Variants in PSMC3IP observed in about 807,000 individuals in gnomAD.
The protein encoded by PSMC3IP is PSMC3 interacting protein, also known as homologous-pairing protein 2 homolog.
A neutral mutation model predicts 34.9 loss-of-function variants in PSMC3IP; 26 were observed. That is an observed-to-expected ratio of 0.74 (90% CI 0.55 to 1.03). The LOEUF (loss-of-function observed/expected upper bound fraction) is 1.03, where lower values mean the gene tolerates loss of function less well. PSMC3IP is among the 50% of genes least tolerant of loss of function. The probability of loss-of-function intolerance (pLI) is 0.00; values close to 1 mark genes in which losing one functional copy is unlikely to be tolerated. For missense variants in PSMC3IP, 250 were observed against 263.1 expected, an observed-to-expected ratio of 0.95 and a Z score of 0.34; for synonymous variants, 87 against 96.5, an observed-to-expected ratio of 0.90 and a Z score of 0.57.
At chr17:42,577,796 C>G (rs1169291156), upstream of PSMC3IP, 3 of 1,360,106 alleles carry the variant, frequency 2.2e-6, no homozygotes, top group Non-Finnish European at 3.1e-6. Flanking sequence ...GAAGGGGAAG[C>G]CTTCCGGAGG....
chr17:42,573,496 A>C lies in PSMC3IP; in HGVS notation c.465T>G (p.Thr155=). 1 of 1,614,204 alleles carries C rather than the reference A, an allele frequency of 6.2e-7. No homozygotes were observed. The change falls in exon 5 of 8, where the codon ACT becomes ACG. Residue 155 remains threonine (T), a synonymous_variant. Coordinates refer to ENST00000393795, the MANE Select transcript of PSMC3IP (RefSeq NM_016556.4). ...AGCTCACCTGCTCTTTCTCTTCTGG[A>C]GTCACATGATTGGTAGCTGCTTTAA... is the stretch of plus-strand genomic sequence containing the variant. The part of the protein sequence containing the change: ...KNIKAATNHV[T]PEEKEQVYRE...
intron 3 of PSMC3IP, among the ~76,000 whole-genome samples, chr17:42,575,384 G>T (rs2093069031): frequency 6.6e-6 from 1 of 152,240 alleles, no homozygotes; most frequent in South Asian, 2.1e-4. Flanking sequence ...AGTGGCAGAG[G>T]TGAGTAGTTG....
chr17:42,577,728 T>A lies in PSMC3IP; in HGVS notation c.-42A>T. The A allele has an allele frequency of 1.2e-6, 2 of 1,612,554 alleles. No homozygotes were observed. The highest frequency in any genetic ancestry group is 1.7e-6 in the Non-Finnish European group (2 of 1,178,680). On this transcript the variant is annotated 5_prime_UTR_variant, in exon 1 of 8. Transcript: ENST00000393795. ...CAACTCAGAAAGCCGGACGTTGTAG[T>A]TGCTCGGGGCGACGGCTCCTTCCGG...
At chr17:42,576,514 A>C (rs1252231074) in intron 3 of PSMC3IP, among the ~76,000 whole-genome samples, 2 of 152,094 alleles carry the variant, frequency 1.3e-5, no homozygotes, top group African/African-American at 4.8e-5. Flanking sequence ...AGAATGGAAA[A>C]ATTAGCCAGG....
At chr17:42,575,998 G>C (rs1055297723) in intron 3 of PSMC3IP, among the ~76,000 whole-genome samples, 6 of 152,194 alleles carry the variant, frequency 3.9e-5, no homozygotes, top group African/African-American at 1.4e-4. Context: ...TCCAGCCTGG[G>C]TGACAGAGCG....
rs779728269 is a variant in PSMC3IP at position 42,572,988 on chromosome 17, CGTT to C, written c.631_633del (p.Asn211del). The C allele has an allele frequency of 1.4e-5, 22 of 1,614,216 alleles. No homozygotes were observed. Among genetic ancestry groups the C allele is most frequent in the South Asian group, 6.6e-5 (6 of 91,084 alleles). On this transcript the variant is annotated inframe_deletion, in exon 8 of 8. Coordinates refer to ENST00000393795, the MANE Select transcript of PSMC3IP (RefSeq NM_016556.4). ...GCCCCTCAGGGGTCTGGGAGTGTGA[CGTT>C]GTAATCTTCATCCGTCTCTATCCCA... is the stretch of plus-strand genomic sequence containing the variant.
Position 42,572,442 on chromosome 17 carries a change from T to C in PSMC3IP, c.*526A>G. The C allele has an allele frequency of 2.2e-6, 1 of 454,686 alleles. No individual in the cohort carries two copies. The highest frequency in any genetic ancestry group is 1.6e-5 in the South Asian group (1 of 64,480). The allele number at this position is 454,686 out of a possible 1,614,324, so 28.2% of individuals were successfully genotyped here. On this transcript the variant is annotated 3_prime_UTR_variant, in exon 8 of 8. Coordinates refer to ENST00000393795, the MANE Select transcript of PSMC3IP (RefSeq NM_016556.4). ...CTTGGCCTCTCCCATGTCTCAGTGTTGCCTGCATTTCTCCCAGGACTTGGG... is the reference window on the plus strand; with the variant it reads ...CTTGGCCTCTCCCATGTCTCAGTGTCGCCTGCATTTCTCCCAGGACTTGGG...
At chr17:42,575,888 C>T (rs1597726122) in intron 3 of PSMC3IP, among the ~76,000 whole-genome samples, 1 of 149,182 alleles carries the variant, frequency 6.7e-6, no homozygotes, top group East Asian at 1.9e-4. Context: ...GGCTTCGTGG[C>T]GGGTGCCTGT....
chr17:42,573,166 C>A lies in PSMC3IP; in HGVS notation c.538G>T (p.Ala180Ser), dbSNP rs1168210146. ...CKEWRKRKRM[A>S]TELSDAILEG... ...AGTATTGCATCAGACAGCTCTGTAG[C>A]CTGACAAGAAATAAAACCACCCGTT... Residue 180 changes from alanine (A) to serine (S), a missense_variant and splice_region_variant, in exon 7 of 8, where the codon GCT (alanine) becomes TCT (serine). Ala to Ser is a moderately conservative substitution (Grantham distance 99, BLOSUM62 1). Transcript: ENST00000393795. 1 of 1,614,204 alleles carries A rather than the reference C, an allele frequency of 6.2e-7. No homozygotes were observed. The highest frequency in any genetic ancestry group is 8.5e-7 in the Non-Finnish European group (1 of 1,180,036).
At chr17:42,574,753 C>T (rs969081429) in intron 3 of PSMC3IP, among the ~76,000 whole-genome samples, 1 of 86,272 alleles carries the variant, frequency 1.2e-5, no homozygotes, top group Non-Finnish European at 2.7e-5. Flanking sequence ...CTCTCTCTTT[C>T]TCCCTCCCTT....
chr17:42,574,720 C>T (rs12943311), intron 3 of PSMC3IP, among the ~76,000 whole-genome samples: 964 of 22,952 alleles, frequency 0.042, 9 homozygotes, highest in Admixed American at 0.11. Context: ...TCCCTCCTTC[C>T]CCCTCCCTTT....
chr17:42,572,861 A>G lies in PSMC3IP; in HGVS notation c.*107T>C. The G allele has an allele frequency of 7.6e-7, 1 of 1,319,418 alleles. No individual in the cohort carries two copies. The highest frequency in any genetic ancestry group is 1.1e-6 in the Non-Finnish European group (1 of 917,458). 81.7% of individuals were successfully genotyped at this position (1,319,418 alleles called of 1,614,324 possible). A position where few individuals can be genotyped will look rare whatever the true frequency, so the allele number is the denominator to read the frequency against. ...TCCTGACTGCTCTGCTTAAAGGTGA[A>G]AGTAGCAGGAACAACAACAAAAGCC... On this transcript the variant is annotated 3_prime_UTR_variant, in exon 8 of 8. Coordinates refer to ENST00000393795, the MANE Select transcript of PSMC3IP (RefSeq NM_016556.4).
rs1447199560 is a variant in PSMC3IP, at chr17:42,572,635, A to G, written c.*333T>C. ...GCCTTCCTCAGGTTTGATATCTGGC[A>G]GGTTTGACTATCCAGAGGAAATTAA... On this transcript the variant is annotated 3_prime_UTR_variant, in exon 8 of 8. Transcript: ENST00000393795. 1 of 445,804 alleles carries G rather than the reference A, an allele frequency of 2.2e-6. No homozygotes were observed. The highest frequency in any genetic ancestry group is 7.0e-5 in the East Asian group (1 of 14,348). The allele number at this position is 445,804 out of a possible 1,614,324, so 27.6% of individuals were successfully genotyped here.
At chr17:42,574,409 A>G in intron 3 of PSMC3IP, 199 bp from the exon 4 acceptor site, 1 of 1,338,886 alleles carries the variant, frequency 7.5e-7, no homozygotes, top group South Asian at 1.5e-5. Context: ...AAGGTAGGAA[A>G]GAAAAGCTGA....
intron 3 of PSMC3IP, among the ~76,000 whole-genome samples, chr17:42,575,597 T>C (rs1762931469): frequency 6.6e-6 from 1 of 152,190 alleles, no homozygotes; most frequent in African/African-American, 2.4e-5. Context: ...TGCTGGATGT[T>C]AGATACTGCG....
rs759050230 is a variant in PSMC3IP at position 42,573,196 on chromosome 17, G to T, written c.538-30C>A. 22 of 1,614,182 alleles carry T rather than the reference G, an allele frequency of 1.4e-5. No homozygotes were observed. In the East Asian group the frequency reaches 4.9e-4, roughly 36 times the overall value. ...CAAGAAATAAAACCACCCGTTTTCAGATGGGCAGCACTGGGCACTGCCTGT... is the reference window on the plus strand; with the variant it reads ...CAAGAAATAAAACCACCCGTTTTCATATGGGCAGCACTGGGCACTGCCTGT... On this transcript the variant is annotated intron_variant, in intron 6 of 7. Transcript: ENST00000393795.
At chr17:42,576,049 A>G (rs1043676515) in intron 3 of PSMC3IP, among the ~76,000 whole-genome samples, 1 of 152,152 alleles carries the variant, frequency 6.6e-6, no homozygotes, top group Non-Finnish European at 1.5e-5. Flanking sequence ...AATAACAAAA[A>G]GAGATAAGGG....
chr17:42,576,077 T>C (rs1173693923), intron 3 of PSMC3IP, among the ~76,000 whole-genome samples: 1 of 152,032 alleles, frequency 6.6e-6, no homozygotes, highest in African/African-American at 2.4e-5. Flanking sequence ...AAGAAACAAT[T>C]AGCTCGGAGC....
Position 42,577,573 on chromosome 17 carries a change from A to G in PSMC3IP, c.35-12T>C, listed in dbSNP as rs752013567. The G allele has an allele frequency of 1.9e-6, 3 of 1,614,130 alleles. No individual in the cohort carries two copies. Among genetic ancestry groups the G allele is most frequent in the East Asian group, 2.2e-5 (1 of 44,854 alleles). ...GAGGATCCCGGCGGCTACGGAGAGA[A>G]AGGCAGGGGAGGGGGCCACTCAACC... On this transcript the variant is annotated splice_polypyrimidine_tract_variant and intron_variant, in intron 1 of 7. Transcript: ENST00000393795.
Sources: gnomAD v4.1 joint callset for allele counts (sites outside exome capture counted in the v4.1 genomes callset) on GRCh38, gnomAD v4.1.1 for gene constraint, MANE v1.5 for transcripts, NCBI Gene and HGNC (gene_info 2026-07-23, HGNC 2026-07-21) for gene names.